The following MYO6 variants were observed in gnomAD, a reference collection of about 807,000 sequenced individuals.
MYO6 encodes myosin VI, also known as unconventional myosin-VI.
Under a neutral mutation model 178.7 loss-of-function variants are expected in MYO6, and 74 were observed. The ratio of observed to expected loss-of-function variants is 0.41; its 90% CI spans 0.34 to 0.50. MYO6 has a LOEUF of 0.50. MYO6 is among the 20% of genes least tolerant of loss of function. MYO6 has a pLI of 0.09. For missense variants in MYO6, 1,330 were observed against 1,547.4 expected, an observed-to-expected ratio of 0.86 and a Z score of 2.36; for synonymous variants, 477 against 504.6, an observed-to-expected ratio of 0.95 and a Z score of 0.73.
chr6:75,890,336 A>G, intron 26 of MYO6, 71 bp downstream of exon 26: 5 of 1,594,108 alleles, frequency 3.1e-6, no homozygotes, highest in Non-Finnish European at 4.3e-6. Context: ...ACAGTGGTTA[A>G]TGACAATTAT....
In MYO6 at chr6:75,911,586, T is replaced by C. The variant is rs945167600; in HGVS notation, c.3413-86T>C. The C allele has an allele frequency of 8.5e-5, 101 of 1,189,464 alleles. No homozygotes were observed. In the African/African-American group the frequency reaches 1.3e-3, roughly 15 times the overall value. 73.7% of individuals were successfully genotyped at this position (1,189,464 alleles called of 1,614,324 possible). A position where few individuals can be genotyped will look rare whatever the true frequency, so the allele number is the denominator to read the frequency against. On this transcript the variant is annotated intron_variant, in intron 32 of 34. Transcript: ENST00000369977. ...ATTTACTTTTCAGTCACCACCTCGA[T>C]TGGAAGGCTTTATAAATTAGAAAAA... is the stretch of plus-strand genomic sequence containing the variant.
intron 26 of MYO6, among the ~76,000 whole-genome samples, chr6:75,890,643 T>C (rs187666055): frequency 2.6e-5 from 4 of 152,168 alleles, no homozygotes; most frequent in African/African-American, 7.2e-5. Flanking sequence ...CCGTGCTCGG[T>C]TGACAATTCT....
intron 3 of MYO6, among the ~76,000 whole-genome samples, chr6:75,823,534 A>C (rs918806447): frequency 6.6e-6 from 1 of 152,240 alleles, no homozygotes; most frequent in Non-Finnish European, 1.5e-5. Context: ...GGTAGTGTTA[A>C]CAATTATGTA....
At chr6:75,787,740 A>C (rs1398056469) in intron 1 of MYO6, among the ~76,000 whole-genome samples, 25 of 107,678 alleles carry the variant, frequency 2.3e-4, no homozygotes, top group East Asian at 9.8e-4. Context: ...CTATATATAT[A>C]TATATATATA....
chr6:75,770,851 A>G (rs1394847726), intron 1 of MYO6, among the ~76,000 whole-genome samples: 1 of 152,160 alleles, frequency 6.6e-6, no homozygotes, highest in Non-Finnish European at 1.5e-5. Context: ...TAACTGATTT[A>G]TCTTTCCTGA....
chr6:75,873,172 A>C (rs753735408), intron 19 of MYO6, 35 bp from the exon 20 acceptor site: 1 of 1,500,496 alleles, frequency 6.7e-7, no homozygotes, highest in Non-Finnish European at 9.3e-7. Context: ...AGAATGCTAT[A>C]TGTATTGTAA....
At chr6:75,752,276 A>T (rs1776968367) in intron 1 of MYO6, among the ~76,000 whole-genome samples, 1 of 152,158 alleles carries the variant, frequency 6.6e-6, no homozygotes, top group African/African-American at 2.4e-5. Flanking sequence ...GCAGTTTCAT[A>T]GAGTTTAATT....
chr6:75,761,006 G>A (rs145812093), intron 1 of MYO6, among the ~76,000 whole-genome samples: 1 of 152,146 alleles, frequency 6.6e-6, no homozygotes, highest in East Asian at 1.9e-4. Flanking sequence ...GGCATGATTT[G>A]CTGTCTGTTA....
In MYO6 at chr6:75,866,625, A is replaced by G. The variant is rs764263465; in HGVS notation, c.1770+4A>G. On this transcript the variant is annotated splice_donor_region_variant and intron_variant, in intron 17 of 34. Transcript: ENST00000369977. ...GGGGGCAGTGTGCTATGAAACAGTG[A>G]GTATAACTTTTACAAGGAGAAAACC... 12 of 1,610,568 alleles carry G rather than the reference A, an allele frequency of 7.5e-6. No homozygotes were observed. In the South Asian group the frequency reaches 1.1e-4, roughly 15 times the overall value.
intron 34 of MYO6, 77 bp downstream of exon 34, chr6:75,914,358 A>G (rs1780995203): frequency 3.7e-6 from 5 of 1,353,708 alleles, no homozygotes; most frequent in East Asian, 4.9e-5. Flanking sequence ...ATTCTAATGT[A>G]TAATATAATA....
intron 30 of MYO6, among the ~76,000 whole-genome samples, chr6:75,901,095 C>G (rs894125601): frequency 3.9e-5 from 6 of 152,138 alleles, no homozygotes; most frequent in East Asian, 1.9e-4. Context: ...TGATCTATAT[C>G]TCTATTTTGG....
chr6:75,789,356 A>T (rs931808140), intron 1 of MYO6, among the ~76,000 whole-genome samples: 3 of 152,224 alleles, frequency 2.0e-5, no homozygotes. Flanking sequence ...CTTTCATTTA[A>T]TCCTCATAAC....
chr6:75,802,647 A>G (rs1769603888), intron 1 of MYO6, among the ~76,000 whole-genome samples: 2 of 151,884 alleles, frequency 1.3e-5, no homozygotes, highest in Middle Eastern at 3.4e-3. Context: ...CACTTCACCC[A>G]GCTAGTTTTT....
chr6:75,849,354 C>T (rs887893536), intron 11 of MYO6, among the ~76,000 whole-genome samples: 1 of 152,180 alleles, frequency 6.6e-6, no homozygotes, highest in Non-Finnish European at 1.5e-5. Flanking sequence ...ATTGTACGAT[C>T]TTATACCAAG....
At chr6:75,903,157 A>G (rs1332043620) in intron 30 of MYO6, among the ~76,000 whole-genome samples, 2 of 152,046 alleles carry the variant, frequency 1.3e-5, no homozygotes, top group Non-Finnish European at 2.9e-5. Flanking sequence ...TATGTGGTCA[A>G]TTTTGGAATA....
intron 5 of MYO6, 60 bp downstream of exon 5, chr6:75,830,605 A>C: frequency 6.6e-7 from 1 of 1,516,614 alleles, no homozygotes; most frequent in African/African-American, 1.4e-5. Flanking sequence ...AAATTTACTC[A>C]ATTTTTCTTT....
At chr6:75,786,442 T>C (rs760114112) in intron 1 of MYO6, among the ~76,000 whole-genome samples, 5 of 152,226 alleles carry the variant, frequency 3.3e-5, no homozygotes, top group Non-Finnish European at 7.3e-5. Context: ...GAAATTTTAA[T>C]TGGGATTGCA....
chr6:75,782,889 A>C lies in MYO6; in HGVS notation c.-48+33466A>C, dbSNP rs569662211. ...AAAGAACAAGTGATAGTCCTTGATA[A>C]TCCTCAGTTAGCTAGTTAGCTTTTT... is the stretch of plus-strand genomic sequence containing the variant. On this transcript the variant is annotated intron_variant, in intron 1 of 34. Coordinates refer to ENST00000369977, the MANE Select transcript of MYO6 (RefSeq NM_004999.4). 1.9e-4 allele frequency among the ~76,000 whole-genome samples: 29 copies of C among 150,310 alleles called. 1 individual carries two copies. In the South Asian group the frequency reaches 5.9e-3, roughly 31 times the overall value.
chr6:75,832,852 T>C lies in MYO6; in HGVS notation c.402T>C (p.Ala134=). The change falls in exon 6 of 35, where the codon GCT becomes GCC. Residue 134 remains alanine, a synonymous_variant. Transcript: ENST00000369977. Reference sequence around the variant, plus strand: ...TTATTTTGACCCTAGCTGATAAAGCTTTTCGAGACATGAAGGTGCTCAAGA... The same window carrying C: ...TTATTTTGACCCTAGCTGATAAAGCCTTTCGAGACATGAAGGTGCTCAAGA... ...PPHVFAIADK[A]FRDMKVLKMS... is the part of the protein sequence containing the mutation. The C allele has an allele frequency of 6.2e-7, 1 of 1,612,042 alleles. No homozygotes were observed. The highest frequency in any genetic ancestry group is 8.5e-7 in the Non-Finnish European group (1 of 1,178,104).
Sources: allele counts gnomAD v4.1 joint callset (sites outside exome capture counted in the v4.1 genomes callset), GRCh38; gene constraint gnomAD v4.1.1; transcripts MANE v1.5; gene names NCBI Gene and HGNC (gene_info 2026-07-23, HGNC 2026-07-21).